The following ZNF569 variants were observed in gnomAD, a reference collection of about 807,000 sequenced individuals.
ZNF569 encodes zinc finger protein 569.
ZNF569 carries 38 observed loss-of-function variants against 56.3 expected under a neutral mutation model. The observed-to-expected ratio is 0.68, with a 90% CI of 0.52 to 0.88. The LOEUF is 0.88. Ranked by LOEUF, ZNF569 falls within the 40% of genes least tolerant of loss-of-function variation. The pLI is 0.00. For missense variants in ZNF569, 666 were observed against 809.2 expected, an observed-to-expected ratio of 0.82 and a Z score of 2.15; for synonymous variants, 241 against 262.9, an observed-to-expected ratio of 0.92 and a Z score of 0.81.
chr19:37,434,549 C>T (rs1007710052), intron 3 of ZNF569, among the ~76,000 whole-genome samples: 3 of 152,042 alleles, frequency 2.0e-5, no homozygotes, highest in African/African-American at 4.8e-5. Context: ...ATTAGCTGGG[C>T]GTGGAGTGGC....
At chr19:37,419,762 G>A (rs2040998898) in intron 5 of ZNF569, among the ~76,000 whole-genome samples, 1 of 151,758 alleles carries the variant, frequency 6.6e-6, no homozygotes, top group South Asian at 2.1e-4. Context: ...AGTCTATTAC[G>A]TATATAACAG....
chr19:37,426,066 A>C, intron 4 of ZNF569, 103 bp from the exon 5 acceptor site: 8 of 1,395,268 alleles, frequency 5.7e-6, no homozygotes, highest in Non-Finnish European at 7.0e-6. Flanking sequence ...GGACAAGAAA[A>C]TGTGGCTTCG....
At chr19:37,420,490 C>T (rs2041016453) in intron 5 of ZNF569, among the ~76,000 whole-genome samples, 1 of 152,126 alleles carries the variant, frequency 6.6e-6, no homozygotes, top group South Asian at 2.1e-4. Context: ...CCACAATTTG[C>T]ACAGCATCTT....
chr19:37,416,362 AAAGT>A (rs1158719429), intron 5 of ZNF569, among the ~76,000 whole-genome samples: 3 of 152,102 alleles, frequency 2.0e-5, no homozygotes, highest in Non-Finnish European at 4.4e-5. Flanking sequence ...ACAATTGTGA[AAAGT>A]AAGAAATTCA....
chr19:37,468,097 T>TC (rs1390625835), upstream of ZNF569: 32 of 678,744 alleles, frequency 4.7e-5, no homozygotes, highest in Non-Finnish European at 7.6e-5. Context: ...TTGTTTTGTT[T>TC]TTTTTGAGGC....
At chr19:37,430,806 G>A (rs895569738) in intron 3 of ZNF569, among the ~76,000 whole-genome samples, 2 of 152,226 alleles carry the variant, frequency 1.3e-5, no homozygotes, top group Non-Finnish European at 2.9e-5. Context: ...ATTGCTGATC[G>A]TGAATTGCTA....
At chr19:37,467,753 G>A (rs1600367324), upstream of ZNF569, 1 of 799,294 alleles carries the variant, frequency 1.3e-6, no homozygotes, top group Non-Finnish European at 2.1e-6. Context: ...CATGGAATTT[G>A]GAGTGGGGTT....
chr19:37,415,140 T>C (rs2040906700), intron 5 of ZNF569, among the ~76,000 whole-genome samples: 2 of 152,080 alleles, frequency 1.3e-5, no homozygotes, highest in Admixed American at 6.5e-5. Flanking sequence ...AAAAATTCTA[T>C]GTAAAACATC....
upstream of ZNF569, chr19:37,467,727 T>C (rs528852556): frequency 1.3e-5 from 9 of 674,180 alleles, no homozygotes; most frequent in African/African-American, 1.4e-4. Context: ...TGTGACTGTA[T>C]GTGTGAAACT....
In ZNF569 at chr19:37,425,889, C is replaced by A. The variant is rs2041122722; in HGVS notation, c.217G>T (p.Val73Leu). Residue 73 changes from valine (V) to leucine (L), a missense_variant, in exon 5 of 6, where the codon GTA becomes TTA. Val to Leu is a conservative substitution (Grantham distance 32, BLOSUM62 1). Transcript: ENST00000316950. Reference sequence around the variant, plus strand: ...TAACCTTGCCAGTGTCTCCTTAATACTTCTTCCTCCATCACCCATGGTTCT... The same window carrying A: ...TAACCTTGCCAGTGTCTCCTTAATAATTCTTCCTCCATCACCCATGGTTCT... ...EEEPWVMEEE[V>L]LRRHWQGEIW... 1 of 1,613,820 alleles carries A rather than the reference C, an allele frequency of 6.2e-7. No homozygotes were observed. Among genetic ancestry groups the A allele is most frequent in the Non-Finnish European group, 8.5e-7 (1 of 1,179,896 alleles).
chr19:37,455,520 T>TA (rs1568746783), intron 2 of ZNF569, among the ~76,000 whole-genome samples: 1 of 152,148 alleles, frequency 6.6e-6, no homozygotes, highest in African/African-American at 2.4e-5. Context: ...ATAATATATA[T>TA]TTTTTAACAC....
At chr19:37,465,710 C>T (rs1046117555) in intron 1 of ZNF569, among the ~76,000 whole-genome samples, 1 of 152,108 alleles carries the variant, frequency 6.6e-6, no homozygotes, top group Non-Finnish European at 1.5e-5. Flanking sequence ...TGGAACTTTA[C>T]AGAATAATTG....
chr19:37,415,996 G>A (rs1327419413), intron 5 of ZNF569, among the ~76,000 whole-genome samples: 1 of 152,008 alleles, frequency 6.6e-6, no homozygotes, highest in Admixed American at 6.5e-5. Flanking sequence ...ACTTTGGGAG[G>A]CTGAGGCAAA....
At chr19:37,436,703 A>C (rs117316979) in intron 3 of ZNF569, among the ~76,000 whole-genome samples, 3,905 of 152,166 alleles carry the variant, frequency 0.026, 69 homozygotes, top group South Asian at 0.08. Flanking sequence ...ACTATATGCC[A>C]ATAAATTAGA....
intron 3 of ZNF569, among the ~76,000 whole-genome samples, chr19:37,444,001 G>A (rs2041451913): frequency 6.6e-6 from 1 of 152,118 alleles, no homozygotes; most frequent in African/African-American, 2.4e-5. Context: ...TTGGGCAACA[G>A]AGCAAGACTC....
intron 5 of ZNF569, among the ~76,000 whole-genome samples, chr19:37,419,450 G>A (rs995001172): frequency 3.3e-5 from 5 of 152,028 alleles, no homozygotes; most frequent in South Asian, 2.1e-4. Flanking sequence ...GGCTGGGTGC[G>A]GTGGCTCACG....
At chr19:37,419,746 ATACT>A (rs1248807770) in intron 5 of ZNF569, among the ~76,000 whole-genome samples, 1 of 152,034 alleles carries the variant, frequency 6.6e-6, no homozygotes, top group Non-Finnish European at 1.5e-5. Context: ...TTAATACTAT[ATACT>A]TAGTCTATTA....
chr19:37,456,440 A>C (rs2041671629), intron 2 of ZNF569, among the ~76,000 whole-genome samples: 1 of 152,088 alleles, frequency 6.6e-6, no homozygotes, highest in African/African-American at 2.4e-5. Flanking sequence ...CTTATATTTT[A>C]TCTCTTAACA....
intron 5 of ZNF569, among the ~76,000 whole-genome samples, chr19:37,421,296 G>A (rs959064406): frequency 2.6e-5 from 4 of 152,106 alleles, no homozygotes; most frequent in Admixed American, 2.0e-4. Context: ...AAACTTTGAA[G>A]CCAGCCACTG....
Sources: gnomAD v4.1 joint callset for allele counts (sites outside exome capture counted in the v4.1 genomes callset) on GRCh38, gnomAD v4.1.1 for gene constraint, MANE v1.5 for transcripts, NCBI Gene and HGNC (gene_info 2026-07-23, HGNC 2026-07-21) for gene names.